The following JAKMIP2 variants were observed in gnomAD, a reference collection of about 807,000 sequenced individuals.
The protein encoded by JAKMIP2 is janus kinase and microtubule-interacting protein 2.
A neutral mutation model predicts 115.0 loss-of-function variants in JAKMIP2; 25 were observed. The ratio of observed to expected loss-of-function variants is 0.22; its 90% CI spans 0.16 to 0.30. The LOEUF (loss-of-function observed/expected upper bound fraction) is 0.30, where lower values mean the gene tolerates loss of function less well. JAKMIP2 is among the 10% of genes least tolerant of loss of function. The pLI, the probability that JAKMIP2 is intolerant of heterozygous loss-of-function variation, is 1.00. For missense variants in JAKMIP2, 642 were observed against 957.6 expected (o/e 0.67, Z 4.35); for synonymous variants, 334 against 343.6 (o/e 0.97, Z 0.31).
Position 147,631,384 on chromosome 5 carries a change from C to CA in JAKMIP2, c.1875+28dup, listed in dbSNP as rs747929968. 3.5e-6 allele frequency: 5 copies of CA among 1,440,732 alleles called. No homozygotes were observed. The East Asian group carries it at 9.4e-5, about 27-fold the overall frequency. The allele number at this position is 1,440,732 out of a possible 1,614,324, so 89.2% of individuals were successfully genotyped here. The stretch of plus-strand genomic sequence containing the variant: ...CAATTCCCAGTTTTTCTAATTTCTA[C>CA]AAACATAAAAAATGAAATATCTGCC... On this transcript the variant is annotated intron_variant, in intron 14 of 21. Transcript: ENST00000616793.
chr5:147,712,291 G>C (rs981160609), intron 1 of JAKMIP2, among the ~76,000 whole-genome samples: 2 of 151,724 alleles, frequency 1.3e-5, no homozygotes, highest in Admixed American at 6.6e-5. Context: ...CGTCAGCCCA[G>C]GGAAAGGATT....
At chr5:147,615,102 C>T (rs1304590437) in intron 19 of JAKMIP2, among the ~76,000 whole-genome samples, 1 of 152,224 alleles carries the variant, frequency 6.6e-6, no homozygotes, top group East Asian at 1.9e-4. Context: ...CCCTGTCCCT[C>T]TGTGAGATAG....
chr5:147,685,091 G>C (rs529748118), intron 1 of JAKMIP2, among the ~76,000 whole-genome samples: 10 of 152,288 alleles, frequency 6.6e-5, no homozygotes, highest in African/African-American at 2.4e-4. Context: ...TATAACTTGA[G>C]TTAATAGGAG....
chr5:147,660,678 C>T (rs1267105444), intron 3 of JAKMIP2: 3 of 443,632 alleles, frequency 6.8e-6, no homozygotes, highest in Non-Finnish European at 8.3e-6. Flanking sequence ...AGATACTTTC[C>T]ATATATATGG....
intron 1 of JAKMIP2, among the ~76,000 whole-genome samples, chr5:147,745,017 C>A (rs1754298935): frequency 6.8e-6 from 1 of 147,600 alleles, no homozygotes; most frequent in East Asian, 2.0e-4. Context: ...GAGATCATGC[C>A]ACTGCGCTCC....
At position 147,661,073 on chromosome 5, in the gene JAKMIP2, C is replaced by A; in HGVS notation, c.502G>T (p.Glu168Ter). ...DLKTAKKQVD[E>*]ALSNMIQADK... ...GCTTGGATCATATTGCTCAGAGCCTCGTCCACCTGCTTCTTGGCCGTTTTC... is the reference window on the plus strand; with the variant it reads ...GCTTGGATCATATTGCTCAGAGCCTAGTCCACCTGCTTCTTGGCCGTTTTC... Residue 168 changes from glutamate (E) to a stop codon, truncating the protein, a stop_gained, in exon 3 of 22, where the codon GAG becomes TAG. Transcript: ENST00000616793. LOFTEE classifies it high-confidence loss of function. 1.9e-6 allele frequency: 3 copies of A among 1,613,978 alleles called. No individual in the cohort carries two copies. The highest frequency in any genetic ancestry group is 2.5e-6 in the Non-Finnish European group (3 of 1,180,008).
At chr5:147,632,874 C>G (rs1230397680) in intron 12 of JAKMIP2, 96 bp from the exon 13 acceptor site, 9 of 698,354 alleles carry the variant, frequency 1.3e-5, no homozygotes, top group Non-Finnish European at 2.2e-5. Context: ...GTGAATAAGT[C>G]TTCCAGACCA....
intron 1 of JAKMIP2, among the ~76,000 whole-genome samples, chr5:147,725,859 GC>G (rs1753495953): frequency 6.6e-6 from 1 of 152,124 alleles, no homozygotes; most frequent in South Asian, 2.1e-4. Context: ...TTTGCTGACA[GC>G]TATGGGTGAC....
At chr5:147,720,228 T>G (rs1452820583) in intron 1 of JAKMIP2, among the ~76,000 whole-genome samples, 2 of 152,236 alleles carry the variant, frequency 1.3e-5, no homozygotes, top group Non-Finnish European at 2.9e-5. Flanking sequence ...GCTGTTAGTC[T>G]GATGGGCTTC....
rs1207834312 is a variant in JAKMIP2, at chr5:147,591,560, T to C, written c.*147A>G. 2 of 834,684 alleles carry C rather than the reference T, an allele frequency of 2.4e-6. No individual in the cohort carries two copies. The highest frequency in any genetic ancestry group is 2.1e-5 in the Admixed American group (1 of 46,648). The allele number at this position is 834,684 out of a possible 1,614,324, so 51.7% of individuals were successfully genotyped here. A position where few individuals can be genotyped will look rare whatever the true frequency, so the allele number is the denominator to read the frequency against. ...TGAATAATGGCTTTAAAATACACAGTTGTAGTCCTGGCTACAGGGTAGTTC... is the reference window on the plus strand; with the variant it reads ...TGAATAATGGCTTTAAAATACACAGCTGTAGTCCTGGCTACAGGGTAGTTC... On this transcript the variant is annotated 3_prime_UTR_variant, in exon 22 of 22. Coordinates refer to ENST00000616793, the MANE Select transcript of JAKMIP2 (RefSeq NM_001270941.2).
chr5:147,685,253 A>C (rs1438928990), intron 1 of JAKMIP2, among the ~76,000 whole-genome samples: 8 of 152,202 alleles, frequency 5.3e-5, no homozygotes, highest in African/African-American at 1.7e-4. Flanking sequence ...CAAAGAGAGA[A>C]GGAAAGGTTG....
chr5:147,629,286 G>A (rs577582554), intron 15 of JAKMIP2, among the ~76,000 whole-genome samples: 11 of 152,094 alleles, frequency 7.2e-5, no homozygotes, highest in East Asian at 1.9e-4. Flanking sequence ...AGATGTTTTC[G>A]GAAAGAAAAT....
intron 1 of JAKMIP2, among the ~76,000 whole-genome samples, chr5:147,700,916 T>C (rs1409599103): frequency 2.6e-5 from 4 of 152,146 alleles, no homozygotes; most frequent in African/African-American, 9.7e-5. Context: ...TAGCAGAAAG[T>C]GGAAACTAAG....
chr5:147,714,785 AAAG>A (rs1292704333), intron 1 of JAKMIP2, among the ~76,000 whole-genome samples: 1 of 152,190 alleles, frequency 6.6e-6, no homozygotes, highest in Non-Finnish European at 1.5e-5. Flanking sequence ...TCATAGGTTG[AAAG>A]AAGGTAACTA....
chr5:147,764,985 A>G (rs1580895973), intron 1 of JAKMIP2, among the ~76,000 whole-genome samples: 3 of 114,186 alleles, frequency 2.6e-5, no homozygotes, highest in East Asian at 2.5e-4. Context: ...AGAGAGAGAG[A>G]GAGAGGGAGA....
chr5:147,752,231 C>T (rs1754584806), intron 1 of JAKMIP2, among the ~76,000 whole-genome samples: 1 of 152,078 alleles, frequency 6.6e-6, no homozygotes, highest in Non-Finnish European at 1.5e-5. Context: ...GGAATTACCT[C>T]GTTTTGTTTA....
At chr5:147,734,547 T>C (rs183700028) in intron 1 of JAKMIP2, among the ~76,000 whole-genome samples, 20 of 151,954 alleles carry the variant, frequency 1.3e-4, no homozygotes, top group Admixed American at 5.9e-4. Context: ...AAATACCTAA[T>C]GTTGATGACG....
chr5:147,755,749 C>T (rs1754722026), intron 1 of JAKMIP2, among the ~76,000 whole-genome samples: 2 of 152,024 alleles, frequency 1.3e-5, no homozygotes, highest in Admixed American at 1.3e-4. Flanking sequence ...GAACTCCTGA[C>T]CTCAAGCAAT....
rs113229035 is a variant in JAKMIP2 at position 147,776,178 on chromosome 5, A to G, written c.-149+6278T>C. On this transcript the variant is annotated intron_variant, in intron 1 of 21. Transcript: ENST00000616793. ...ATATAGTGAAAAAAATAGCAAAACT[A>G]CATCTTGGTGATATGGTTTGGCTGT... Among the ~76,000 whole-genome samples, 649 of 152,326 alleles carry G rather than the reference A, an allele frequency of 4.3e-3. 5 individuals are homozygous for G. Among genetic ancestry groups the G allele is most frequent in the African/African-American group, 0.015 (627 of 41,572 alleles).
Sources: gnomAD v4.1 joint callset for allele counts (sites outside exome capture counted in the v4.1 genomes callset) on GRCh38, gnomAD v4.1.1 for gene constraint, MANE v1.5 for transcripts, NCBI Gene and HGNC (gene_info 2026-07-23, HGNC 2026-07-21) for gene names.